Variants in SH2D3C observed in about 807,000 individuals in gnomAD.
SH2D3C encodes SH2 domain containing 3C.
Under a neutral mutation model 75.2 loss-of-function variants are expected in SH2D3C, and 25 were observed. That is an observed-to-expected ratio of 0.33 (90% CI 0.24 to 0.46). The LOEUF is 0.46. Ranked by LOEUF, SH2D3C falls within the 20% of genes least tolerant of loss-of-function variation. The pLI is 1.00. For synonymous variants in SH2D3C, 450 were observed against 473.7 expected (o/e 0.95, Z 0.65); for missense variants, 933 against 1,165.3 (o/e 0.80, Z 2.90).
chr9:127,749,121 T>G lies in SH2D3C; in HGVS notation c.1139+90A>C. 3.1e-6 allele frequency: 3 copies of G among 965,524 alleles called. No homozygotes were observed. In the South Asian group the frequency reaches 4.7e-5, roughly 15 times the overall value. 59.8% of individuals were successfully genotyped at this position (965,524 alleles called of 1,614,324 possible). A position where few individuals can be genotyped will look rare whatever the true frequency, so the allele number is the denominator to read the frequency against. On this transcript the variant is annotated intron_variant, in intron 5 of 11. Transcript: ENST00000314830. This position sits in a 1 kb window ranked among gnomAD's most constrained non-coding sequence, Gnocchi z 5.9. ...ACACAGAGGCTCCAGGAGAGTAATT[T>G]CATCCCATTTCAGTGTACCTAGGCC... is the stretch of plus-strand genomic sequence containing the variant.
At chr9:127,744,072 C>CTTTT (rs34636940) in intron 7 of SH2D3C, among the ~76,000 whole-genome samples, 26 of 114,538 alleles carry the variant, frequency 2.3e-4, no homozygotes, top group South Asian at 6.0e-4. Flanking sequence ...ATCTTATGTG[C>CTTTT]TTTTTTTTTT....
Position 127,738,762 on chromosome 9 carries a change from C to T in SH2D3C, c.2567G>A (p.Arg856His), listed in dbSNP as rs751775128. 72 of 1,602,930 alleles carry T rather than the reference C, an allele frequency of 4.5e-5. No homozygotes were observed. Among genetic ancestry groups the T allele is most frequent in the Non-Finnish European group, 5.1e-5 (60 of 1,174,406 alleles). ...ALSHKLEPAV[R>H]SSEL The stretch of plus-strand genomic sequence containing the variant: ...TCCCTGGGGTCACAGCTCGCTGGAG[C>T]GGACAGCAGGTTCCAGCTTGTGGGA... The change falls in exon 12 of 12, where the codon CGC (arginine) becomes CAC (histidine). Residue 856 changes from arginine to histidine, a missense_variant. Transcript: ENST00000314830. This position sits in a 1 kb window ranked among gnomAD's most constrained non-coding sequence, Gnocchi z 5.0.
rs549191849 is a variant in SH2D3C at position 127,771,492 on chromosome 9, T to A, written c.515+2498A>T. 6.7e-6 allele frequency: 5 copies of A among 744,984 alleles called. No individual in the cohort carries two copies. The East Asian group carries it at 1.0e-4, about 15-fold the overall frequency. 46.1% of individuals were successfully genotyped at this position (744,984 alleles called of 1,614,324 possible). A position where few individuals can be genotyped will look rare whatever the true frequency, so the allele number is the denominator to read the frequency against. ...TCCGCCCCCTCCCCATCAGTCAGTG[T>A]CGGGAAGGCCTCGCCCCCTAGCACA... On this transcript the variant is annotated intron_variant, in intron 2 of 11. Transcript: ENST00000314830.
chr9:127,747,512 T>G (rs985048545), intron 5 of SH2D3C, among the ~76,000 whole-genome samples: 1 of 151,916 alleles, frequency 6.6e-6, no homozygotes, highest in Non-Finnish European at 1.5e-5. Context: ...CTTTTTTTCT[T>G]TTTTTGTCTT....
chr9:127,751,090 G>C lies in SH2D3C; in HGVS notation c.684+82C>G. The C allele has an allele frequency of 7.1e-7, 1 of 1,416,934 alleles. No homozygotes were observed. The highest frequency in any genetic ancestry group is 9.9e-7 in the Non-Finnish European group (1 of 1,013,762). 87.8% of individuals were successfully genotyped at this position (1,416,934 alleles called of 1,614,324 possible). ...CCAAGCAACAGGTCAGAGCCTCCCA[G>C]GTGGCTGCAGCCAGGGCTGGGGCTG... On this transcript the variant is annotated intron_variant, in intron 4 of 11. Coordinates refer to ENST00000314830, the MANE Select transcript of SH2D3C (RefSeq NM_170600.3). The surrounding 1 kb of genome is among the most constrained non-coding windows in gnomAD (Gnocchi z 4.1).
chr9:127,759,636 G>A (rs1327858875), intron 3 of SH2D3C, among the ~76,000 whole-genome samples: 1 of 151,718 alleles, frequency 6.6e-6, no homozygotes, highest in South Asian at 2.1e-4. Flanking sequence ...ATCACTTGAG[G>A]CCAGGCTTTT....
Position 127,739,647 on chromosome 9 carries a change from C to A in SH2D3C, c.2407+35G>T. 2 of 1,569,924 alleles carry A rather than the reference C, an allele frequency of 1.3e-6. No individual in the cohort carries two copies. Among genetic ancestry groups the A allele is most frequent in the Non-Finnish European group, 8.7e-7 (1 of 1,152,374 alleles). ...TGAGGCAGGTGGAGGGAGGCCCAGG[C>A]CTGCAAGCCCCCCAAGATGCCACCC... On this transcript the variant is annotated intron_variant, in intron 11 of 11. Transcript: ENST00000314830. This position sits in a 1 kb window ranked among gnomAD's most constrained non-coding sequence, Gnocchi z 4.3.
chr9:127,769,307 G>A (rs1845689690), intron 2 of SH2D3C, among the ~76,000 whole-genome samples: 1 of 152,148 alleles, frequency 6.6e-6, no homozygotes, highest in Non-Finnish European at 1.5e-5. Context: ...CTGTAAAATG[G>A]GCTCCTTTCC....
chr9:127,747,071 C>T (rs1392420579), intron 6 of SH2D3C, 76 bp downstream of exon 6: 3 of 1,496,990 alleles, frequency 2.0e-6, no homozygotes, highest in Non-Finnish European at 2.7e-6. Context: ...CGGAAACACA[C>T]ATAACCACAC....
intron 2 of SH2D3C, among the ~76,000 whole-genome samples, chr9:127,768,639 A>G (rs1475752816): frequency 6.6e-6 from 1 of 152,218 alleles, no homozygotes; most frequent in Non-Finnish European, 1.5e-5. Context: ...TTTTAACAAC[A>G]TAAGTCACAG....
At chr9:127,758,911 G>C (rs1032501774) in intron 3 of SH2D3C, among the ~76,000 whole-genome samples, 1 of 152,216 alleles carries the variant, frequency 6.6e-6, no homozygotes, top group Non-Finnish European at 1.5e-5. Flanking sequence ...TTCCCTCGCT[G>C]CTCCATTACT....
chr9:127,738,399 T>G lies in SH2D3C; in HGVS notation c.*347A>C. The G allele has an allele frequency of 5.1e-6, 1 of 195,532 alleles. No homozygotes were observed. Among genetic ancestry groups the G allele is most frequent in the Non-Finnish European group, 1.0e-5 (1 of 96,596 alleles). 12.1% of individuals were successfully genotyped at this position (195,532 alleles called of 1,614,324 possible). On this transcript the variant is annotated 3_prime_UTR_variant, in exon 12 of 12. Coordinates refer to ENST00000314830, the MANE Select transcript of SH2D3C (RefSeq NM_170600.3). The surrounding 1 kb of genome is among the most constrained non-coding windows in gnomAD (Gnocchi z 5.0). ...TTACAGAACAGAGACTTATTTACAG[T>G]GAGATGGAGGCCTTGGTGTTGGTGA...
At position 127,774,656 on chromosome 9, in the gene SH2D3C, C is replaced by T. The variant is rs1351503655; in HGVS notation, c.38-189G>A. Among the ~76,000 whole-genome samples, 1 of 152,176 alleles carries T rather than the reference C, an allele frequency of 6.6e-6. No homozygotes were observed. Among genetic ancestry groups the T allele is most frequent in the Non-Finnish European group, 1.5e-5 (1 of 68,040 alleles). On this transcript the variant is annotated intron_variant, in intron 1 of 11. Transcript: ENST00000314830. This position sits in a 1 kb window ranked among gnomAD's most constrained non-coding sequence, Gnocchi z 4.3. ...ATGGGAGCTTTGGAGTCACGGGGCCCTGGACTTGAATTCCTGCTCTTTCAC... is the reference window on the plus strand; with the variant it reads ...ATGGGAGCTTTGGAGTCACGGGGCCTTGGACTTGAATTCCTGCTCTTTCAC...
At position 127,774,194 on chromosome 9, in the gene SH2D3C, G is replaced by A. The variant is rs1191778854; in HGVS notation, c.311C>T (p.Pro104Leu). ...ARQAQEAGPK[P>L]NLVPGGVPDP... The stretch of plus-strand genomic sequence containing the variant: ...GGGTACACCTCCGGGTACCAAGTTG[G>A]GCTTGGGACCCGCCTCCTGGGCCTG... Residue 104 changes from proline (P) to leucine (L), a missense_variant, in exon 2 of 12, where the codon CCC becomes CTC. Coordinates refer to ENST00000314830, the MANE Select transcript of SH2D3C (RefSeq NM_170600.3). The surrounding 1 kb of genome is among the most constrained non-coding windows in gnomAD (Gnocchi z 4.3). 3.1e-6 allele frequency: 5 copies of A among 1,613,958 alleles called. No homozygotes were observed. The highest frequency in any genetic ancestry group is 1.3e-5 in the African/African-American group (1 of 75,056).
At chr9:127,758,918 T>C (rs1845459662) in intron 3 of SH2D3C, among the ~76,000 whole-genome samples, 1 of 152,220 alleles carries the variant, frequency 6.6e-6, no homozygotes, top group Non-Finnish European at 1.5e-5. Context: ...GCTGCTCCAT[T>C]ACTAGTCACT....
chr9:127,777,495 C>G (rs1829040142), intron 1 of SH2D3C, among the ~76,000 whole-genome samples: 1 of 147,528 alleles, frequency 6.8e-6, no homozygotes. Flanking sequence ...CACCTGGGAT[C>G]CCATGATGCC....
intron 1 of SH2D3C, among the ~76,000 whole-genome samples, chr9:127,775,148 C>A (rs1397540637): frequency 2.0e-5 from 3 of 152,128 alleles, no homozygotes; most frequent in South Asian, 2.1e-4. Context: ...TGGTGCTTGG[C>A]ACACAGAATA....
At chr9:127,762,277 T>C (rs1845547399) in intron 2 of SH2D3C, 1 of 1,250,400 alleles carries the variant, frequency 8.0e-7, no homozygotes, top group Non-Finnish European at 1.0e-6. Context: ...TTTTCCTTCC[T>C]TCCTCCTGAG....
At chr9:127,777,171 A>G (rs1385307660) in intron 1 of SH2D3C, among the ~76,000 whole-genome samples, 1 of 152,130 alleles carries the variant, frequency 6.6e-6, no homozygotes, top group African/African-American at 2.4e-5. Flanking sequence ...TGCAGTCACA[A>G]TCACTGCCCT....
Sources: gnomAD v4.1 joint callset for allele counts (sites outside exome capture counted in the v4.1 genomes callset) on GRCh38, gnomAD v4.1.1 for gene constraint, Gnocchi (gnomAD v3.1) non-coding constraint, MANE v1.5 for transcripts, NCBI Gene and HGNC (gene_info 2026-07-23, HGNC 2026-07-21) for gene names.